The following BDP1 variants were observed in gnomAD, a reference collection of about 807,000 sequenced individuals.
BDP1 encodes BDP1 general transcription factor IIIB subunit.
Under a neutral mutation model 266.6 loss-of-function variants are expected in BDP1, and 169 were observed. That is an observed-to-expected ratio of 0.63 (90% CI 0.56 to 0.72). The LOEUF is 0.72. Among genes scored for constraint, BDP1 ranks in the 30% least tolerant of loss-of-function variants. The pLI is 0.00. For synonymous variants in BDP1, 1,090 were observed against 1,022.4 expected, an observed-to-expected ratio of 1.07 and a Z score of -1.26; for missense variants, 3,015 against 3,053.8, an observed-to-expected ratio of 0.99 and a Z score of 0.30.
At chr5:71,498,431 T>TC (rs1161721712) in intron 13 of BDP1, among the ~76,000 whole-genome samples, 1 of 139,166 alleles carries the variant, frequency 7.2e-6, no homozygotes, top group Non-Finnish European at 1.6e-5. Flanking sequence ...TCTTTATTTC[T>TC]TTTTTTTTTT....
Position 71,566,435 on chromosome 5 carries a change from G to A in BDP1, c.*1550G>A, listed in dbSNP as rs1323773087. On this transcript the variant is annotated 3_prime_UTR_variant, in exon 39 of 39. Coordinates refer to ENST00000358731, the MANE Select transcript of BDP1 (RefSeq NM_018429.3). ...AATTTCAAGATTTGATTTTTTATAC[G>A]TGTAATTCTATTATCTACCCAAGCA... is the stretch of plus-strand genomic sequence containing the variant. The A allele has an allele frequency of 1.3e-5, 2 of 152,132 alleles. No individual in the cohort carries two copies. The highest frequency in any genetic ancestry group is 2.9e-5 in the Non-Finnish European group (2 of 68,030). The allele number at this position is 152,132 out of a possible 1,614,324, so 9.4% of individuals were successfully genotyped here.
chr5:71,544,010 CT>C (rs2150568996), intron 30 of BDP1, among the ~76,000 whole-genome samples: 1 of 152,332 alleles, frequency 6.6e-6, no homozygotes, highest in Non-Finnish European at 1.5e-5. Context: ...TTTTCCAAGA[CT>C]TCCTCTAAAG....
chr5:71,562,898 A>G, intron 38 of BDP1: 1 of 1,283,542 alleles, frequency 7.8e-7, no homozygotes, highest in Non-Finnish European at 1.0e-6. Flanking sequence ...GTCCAATGGC[A>G]AGTATTGGGA....
chr5:71,472,816 A>G (rs1762328506), intron 7 of BDP1, among the ~76,000 whole-genome samples: 1 of 147,190 alleles, frequency 6.8e-6, no homozygotes, highest in Non-Finnish European at 1.5e-5. Flanking sequence ...ATGATCCTGT[A>G]GTTTTCTTTG....
chr5:71,573,473 C>T, the BDP1 span, among the ~76,000 whole-genome samples: 50,996 of 151,984 alleles, frequency 0.34, 10,789 homozygotes, highest in Non-Finnish European at 0.46. Flanking sequence ...TGAACACACT[C>T]GACTAGAGTT....
intron 7 of BDP1, 54 bp downstream of exon 7, chr5:71,470,543 G>T: frequency 1.8e-6 from 2 of 1,137,046 alleles, no homozygotes; most frequent in Non-Finnish European, 2.6e-6. Context: ...CATTACAAAT[G>T]TTAGTAGTAT....
At chr5:71,477,527 G>A (rs1580013541) in intron 7 of BDP1, among the ~76,000 whole-genome samples, 1 of 151,848 alleles carries the variant, frequency 6.6e-6, no homozygotes, top group East Asian at 1.9e-4. Flanking sequence ...GTGCACTGGT[G>A]TTTACAACTA....
At chr5:71,526,277 T>TCGCA (rs1765866284) in intron 25 of BDP1, among the ~76,000 whole-genome samples, 1 of 151,538 alleles carries the variant, frequency 6.6e-6, no homozygotes, top group Non-Finnish European at 1.5e-5. Context: ...TCAAACATTT[T>TCGCA]GGTGTTTTCT....
intron 9 of BDP1, 59 bp from the exon 10 acceptor site, chr5:71,489,345 C>T: frequency 7.5e-7 from 1 of 1,340,172 alleles, no homozygotes; most frequent in South Asian, 1.5e-5. Flanking sequence ...CTCTTTCCCA[C>T]CTTTACAAAT....
At position 71,467,376 on chromosome 5, in the gene BDP1, A is replaced by T. The variant is rs760846637; in HGVS notation, c.808A>T (p.Thr270Ser). The change falls in exon 6 of 39, where the codon ACA becomes TCA. Residue 270 changes from threonine (T) to serine (S), a missense_variant. Physicochemically the swap from Thr to Ser is moderately conservative, Grantham distance 58. Transcript: ENST00000358731. ...EESLTVEVLR[T>S]KGPCVVEEND... Reference sequence around the variant, plus strand: ...CAGTTTAACTGTAGAAGTTTTAAGAACAAAAGGCCCTTGTGTTGTTGAAGA... The same window carrying T: ...CAGTTTAACTGTAGAAGTTTTAAGATCAAAAGGCCCTTGTGTTGTTGAAGA... 6 of 1,608,456 alleles carry T rather than the reference A, an allele frequency of 3.7e-6. No individual in the cohort carries two copies. Among genetic ancestry groups the T allele is most frequent in the South Asian group, 2.2e-5 (2 of 90,222 alleles).
intron 12 of BDP1, among the ~76,000 whole-genome samples, chr5:71,496,075 T>C (rs1763870266): frequency 6.6e-6 from 1 of 151,946 alleles, no homozygotes; most frequent in Admixed American, 6.6e-5. Context: ...ACGCTGTCTC[T>C]GCTAAAAATA....
chr5:71,572,236 AG>A (rs1435872876), downstream of BDP1, among the ~76,000 whole-genome samples: 2 of 152,182 alleles, frequency 1.3e-5, no homozygotes, highest in Non-Finnish European at 2.9e-5. Context: ...ACTAGAGACA[AG>A]GTGTCCCCTG....
At chr5:71,513,741 G>A (rs1384290254) in intron 19 of BDP1, among the ~76,000 whole-genome samples, 1 of 151,638 alleles carries the variant, frequency 6.6e-6, no homozygotes, top group East Asian at 1.9e-4. Flanking sequence ...ATTTTTTTGA[G>A]ATGAAGTCTC....
intron 18 of BDP1, 130 bp downstream of exon 18, chr5:71,512,558 G>A (rs1180253824): frequency 2.3e-5 from 13 of 563,216 alleles, no homozygotes; most frequent in South Asian, 9.4e-5. Flanking sequence ...GGAAGACTGG[G>A]AGAGAGGATT....
In BDP1 at chr5:71,566,136, C is replaced by A; in HGVS notation, c.*1251C>A. The A allele has an allele frequency of 6.4e-6, 1 of 156,064 alleles. No homozygotes were observed. 9.7% of individuals were successfully genotyped at this position (156,064 alleles called of 1,614,324 possible). A position where few individuals can be genotyped will look rare whatever the true frequency, so the allele number is the denominator to read the frequency against. On this transcript the variant is annotated 3_prime_UTR_variant, in exon 39 of 39. Transcript: ENST00000358731. ...TGACTTTGTACTGTAAATTTTTCTG[C>A]TTTTCTTGGATAATCTCAGGATTTT...
intron 15 of BDP1, among the ~76,000 whole-genome samples, chr5:71,504,361 G>A (rs1017041760): frequency 1.3e-5 from 2 of 152,138 alleles, no homozygotes; most frequent in Non-Finnish European, 2.9e-5. Context: ...CCCCACAGGG[G>A]TATTTCTAAC....
chr5:71,517,181 A>T lies in BDP1; in HGVS notation c.4861-141A>T, dbSNP rs1404487421. 20 of 706,574 alleles carry T rather than the reference A, an allele frequency of 2.8e-5. No individual in the cohort carries two copies. In the East Asian group the frequency reaches 3.0e-4, roughly 11 times the overall value. 43.8% of individuals were successfully genotyped at this position (706,574 alleles called of 1,614,324 possible). A position where few individuals can be genotyped will look rare whatever the true frequency, so the allele number is the denominator to read the frequency against. On this transcript the variant is annotated intron_variant, in intron 21 of 38. Transcript: ENST00000358731. ...CTTTGAGACTAGCCTGGGCAGTATG[A>T]TGAGACTATCTCAAAATGCATAAAT...
chr5:71,464,793 A>G (rs1046377172), intron 4 of BDP1, among the ~76,000 whole-genome samples: 16 of 135,468 alleles, frequency 1.2e-4, no homozygotes, highest in Non-Finnish European at 3.0e-5. Context: ...ATCTCGGCTC[A>G]CTGCAGCCTC....
At chr5:71,569,344 T>C (rs1028094401), downstream of BDP1, among the ~76,000 whole-genome samples, 1 of 149,782 alleles carries the variant, frequency 6.7e-6, no homozygotes, top group Non-Finnish European at 1.5e-5. Context: ...CCCAGCTACT[T>C]GAGAGGCTGA....
Sources: allele counts gnomAD v4.1 joint callset (sites outside exome capture counted in the v4.1 genomes callset), GRCh38; gene constraint gnomAD v4.1.1; transcripts MANE v1.5; gene names NCBI Gene and HGNC (gene_info 2026-07-23, HGNC 2026-07-21).